BMPR1A: variants seen among roughly 807,000 people sequenced by gnomAD.
BMPR1A encodes the protein bone morphogenetic protein receptor type 1A, also known as bone morphogenetic protein receptor type-1A.
BMPR1A carries 7 observed loss-of-function variants against 66.0 expected under a neutral mutation model. The observed-to-expected ratio is 0.11, with a 90% CI of 0.06 to 0.20. The LOEUF is 0.20. Among genes scored for constraint, BMPR1A ranks in the 10% least tolerant of loss-of-function variants. The pLI, the probability that BMPR1A is intolerant of heterozygous loss-of-function variation, is 1.00. For missense variants in BMPR1A, 408 were observed against 669.1 expected (o/e 0.61, Z 4.31); for synonymous variants, 200 against 229.7 (o/e 0.87, Z 1.17).
intron 3 of BMPR1A, among the ~76,000 whole-genome samples, chr10:86,878,698 A>T (rs1202337218): frequency 6.6e-6 from 1 of 152,242 alleles, no homozygotes; most frequent in Non-Finnish European, 1.5e-5. Flanking sequence ...GGCCTCAACT[A>T]GACCTGATAC....
intron 1 of BMPR1A, among the ~76,000 whole-genome samples, chr10:86,761,751 C>T (rs1266903329): frequency 1.3e-5 from 2 of 152,060 alleles, no homozygotes; most frequent in African/African-American, 2.4e-5. Context: ...CGATAACTAG[C>T]GTGGATGAGA....
chr10:86,853,386 CA>C (rs539042273), intron 2 of BMPR1A, among the ~76,000 whole-genome samples: 20 of 151,812 alleles, frequency 1.3e-4, no homozygotes, highest in African/African-American at 4.8e-4. Flanking sequence ...GCTATTTTTA[CA>C]TTAGAAAAAA....
chr10:86,759,984 C>A lies in BMPR1A; in HGVS notation c.-268+3065C>A, dbSNP rs1382844651. Among the ~76,000 whole-genome samples the A allele has an allele frequency of 3.4e-5, 5 of 147,890 alleles. 1 individual carries two copies. On this transcript the variant is annotated intron_variant, in intron 1 of 12. Transcript: ENST00000372037. ...CCCCACCACCCCGCGACTCCACCCC[C>A]ACCCCCTAACTCTAAATCAAGTTCT...
At chr10:86,830,455 G>T (rs1842252966) in intron 1 of BMPR1A, among the ~76,000 whole-genome samples, 1 of 152,164 alleles carries the variant, frequency 6.6e-6, no homozygotes, top group African/African-American at 2.4e-5. Flanking sequence ...ATGCTCACTG[G>T]CAGTGTATGA....
At chr10:86,916,162 T>G (rs1399108543) in intron 8 of BMPR1A, among the ~76,000 whole-genome samples, 1 of 152,176 alleles carries the variant, frequency 6.6e-6, no homozygotes, top group African/African-American at 2.4e-5. Context: ...AAAGTTGAGA[T>G]AAGTCAAACG....
In BMPR1A at chr10:86,756,877, C is replaced by T. The variant is rs1330825431; in HGVS notation, c.-310C>T. On this transcript the variant is annotated 5_prime_UTR_variant, in exon 1 of 13. Transcript: ENST00000372037. ...GCCCCGGCGGCTCGCCGCGCCCACC[C>T]GCTCCGCGCCGAGGGCTGGAGGATG... 1.3e-5 allele frequency: 2 copies of T among 151,966 alleles called. No homozygotes were observed. Among genetic ancestry groups the T allele is most frequent in the African/African-American group, 4.8e-5 (2 of 41,392 alleles). The allele number at this position is 151,966 out of a possible 1,614,324, so 9.4% of individuals were successfully genotyped here.
At chr10:86,786,368 C>CTA (rs1841518088) in intron 1 of BMPR1A, among the ~76,000 whole-genome samples, 1 of 152,150 alleles carries the variant, frequency 6.6e-6, no homozygotes, top group Non-Finnish European at 1.5e-5. Flanking sequence ...TTTTCTCCTC[C>CTA]TGATATTTCA....
intron 1 of BMPR1A, among the ~76,000 whole-genome samples, chr10:86,786,354 C>G (rs770146426): frequency 6.6e-6 from 1 of 152,110 alleles, no homozygotes; most frequent in Non-Finnish European, 1.5e-5. Flanking sequence ...ACTTTGTTTC[C>G]AATTTTTCTC....
chr10:86,789,952 C>G (rs1174380712), intron 1 of BMPR1A, among the ~76,000 whole-genome samples: 1 of 150,196 alleles, frequency 6.7e-6, no homozygotes, highest in Admixed American at 6.7e-5. Flanking sequence ...GTCAGGAGAT[C>G]GAGACCATCC....
chr10:86,769,917 G>A (rs1841225245), intron 1 of BMPR1A, among the ~76,000 whole-genome samples: 1 of 152,128 alleles, frequency 6.6e-6, no homozygotes, highest in African/African-American at 2.4e-5. Context: ...TTTAGTTCAG[G>A]TGGGTAATGC....
chr10:86,847,682 G>T (rs540873895), intron 2 of BMPR1A, among the ~76,000 whole-genome samples: 1 of 151,694 alleles, frequency 6.6e-6, no homozygotes, highest in East Asian at 1.9e-4. Flanking sequence ...ACACACACAC[G>T]TGTGTATGTG....
intron 1 of BMPR1A, among the ~76,000 whole-genome samples, chr10:86,768,306 A>G (rs1564677969): frequency 6.6e-6 from 1 of 152,220 alleles, no homozygotes; most frequent in Admixed American, 6.5e-5. Flanking sequence ...TTTAAAGTAC[A>G]TTAAAAAAAC....
At chr10:86,786,761 G>A (rs901359914) in intron 1 of BMPR1A, among the ~76,000 whole-genome samples, 1 of 152,186 alleles carries the variant, frequency 6.6e-6, no homozygotes, top group African/African-American at 2.4e-5. Context: ...CCACCTGGAT[G>A]TCTAATAGGC....
intron 1 of BMPR1A, among the ~76,000 whole-genome samples, chr10:86,773,021 TC>T (rs1442090548): frequency 6.6e-6 from 1 of 152,102 alleles, no homozygotes; most frequent in East Asian, 1.9e-4. Context: ...GCTAAGTTCA[TC>T]CTGAGCGTCT....
chr10:86,882,403 A>G lies in BMPR1A; in HGVS notation c.67+6318A>G, dbSNP rs369582030. Reference sequence around the variant, plus strand: ...GGGCCACTGAACTCCAGCCTGGGCAACAGAGTGAGACCCTGTCTCAAAAAA... The same window carrying G: ...GGGCCACTGAACTCCAGCCTGGGCAGCAGAGTGAGACCCTGTCTCAAAAAA... On this transcript the variant is annotated intron_variant, in intron 3 of 12. Coordinates refer to ENST00000372037, the MANE Select transcript of BMPR1A (RefSeq NM_004329.3). Among the ~76,000 whole-genome samples the G allele has an allele frequency of 4.9e-4, 74 of 152,188 alleles. 1 individual carries two copies. Among genetic ancestry groups the G allele is most frequent in the African/African-American group, 1.7e-3 (72 of 41,526 alleles).
downstream of BMPR1A, chr10:86,930,870 A>T (rs2133666371): frequency 6.6e-6 from 1 of 152,318 alleles, no homozygotes; most frequent in Middle Eastern, 3.4e-3. Flanking sequence ...CCTCCTGAGT[A>T]GCTGGGACCA....
At chr10:86,795,869 T>TA (rs762193284) in intron 1 of BMPR1A, among the ~76,000 whole-genome samples, 12 of 152,316 alleles carry the variant, frequency 7.9e-5, no homozygotes, top group Middle Eastern at 6.8e-3. Context: ...ATAATGCAGT[T>TA]AAACATCAAT....
In BMPR1A at chr10:86,912,258, C is replaced by T. The variant is rs748339701; in HGVS notation, c.549C>T (p.Ile183=). ...CFCYKHYCKS[I]SSRRRYNRDL... is the part of the protein sequence containing the mutation. ...TTAAAAGACATTATTGCAAGAGCAT[C>T]TCAAGCAGACGTCGTTACAATCGTG... Residue 183 remains isoleucine (I), a synonymous_variant, in exon 8 of 13, where the codon ATC becomes ATT. Coordinates refer to ENST00000372037, the MANE Select transcript of BMPR1A (RefSeq NM_004329.3). 1 of 1,613,658 alleles carries T rather than the reference C, an allele frequency of 6.2e-7. No individual in the cohort carries two copies. Among genetic ancestry groups the T allele is most frequent in the Non-Finnish European group, 8.5e-7 (1 of 1,179,888 alleles).
chr10:86,801,567 T>C (rs4934265), intron 1 of BMPR1A, among the ~76,000 whole-genome samples: 74,059 of 151,942 alleles, frequency 0.49, 19,158 homozygotes, highest in East Asian at 0.76. Flanking sequence ...TTCCTATCAG[T>C]AAACAATCTC....
Sources: gnomAD v4.1 joint callset for allele counts (sites outside exome capture counted in the v4.1 genomes callset) on GRCh38, gnomAD v4.1.1 for gene constraint, MANE v1.5 for transcripts, NCBI Gene and HGNC (gene_info 2026-07-23, HGNC 2026-07-21) for gene names.